The following GOPC variants were observed in gnomAD, a reference collection of about 807,000 sequenced individuals.
The protein encoded by GOPC is Golgi-associated PDZ and coiled-coil motif-containing protein.
Under a neutral mutation model 51.2 loss-of-function variants are expected in GOPC, and 32 were observed. The observed-to-expected ratio is 0.63, with a 90% CI of 0.47 to 0.84. GOPC has a LOEUF of 0.84. Among genes scored for constraint, GOPC ranks in the 40% least tolerant of loss-of-function variants. The pLI is 0.00. For missense variants in GOPC, 441 were observed against 555.5 expected, an observed-to-expected ratio of 0.79 and a Z score of 2.07; for synonymous variants, 190 against 205.1, an observed-to-expected ratio of 0.93 and a Z score of 0.63.
intron 1 of GOPC, among the ~76,000 whole-genome samples, chr6:117,586,162 C>G (rs1780029382): frequency 6.6e-6 from 1 of 152,106 alleles, no homozygotes; most frequent in Non-Finnish European, 1.5e-5. Flanking sequence ...CATTTAGTGT[C>G]AATATCCCAA....
rs1772033556 is a variant in GOPC, at chr6:117,602,362, T to C, written c.-74A>G. 1.4e-6 allele frequency: 2 copies of C among 1,425,234 alleles called. No individual in the cohort carries two copies. The highest frequency in any genetic ancestry group is 1.8e-6 in the Non-Finnish European group (2 of 1,085,958). 88.3% of individuals were successfully genotyped at this position (1,425,234 alleles called of 1,614,324 possible). A position where few individuals can be genotyped will look rare whatever the true frequency, so the allele number is the denominator to read the frequency against. On this transcript the variant is annotated 5_prime_UTR_variant, in exon 1 of 9. Coordinates refer to ENST00000368498, the MANE Select transcript of GOPC (RefSeq NM_020399.4). ...CGCGCACGAAGGGAACTGCTGGGACTGAGGGGACCCCCGCGCGCGCGGGCA... is the reference window on the plus strand; with the variant it reads ...CGCGCACGAAGGGAACTGCTGGGACCGAGGGGACCCCCGCGCGCGCGGGCA...
In GOPC at chr6:117,566,836, T is replaced by A. The variant is rs2114603255; in HGVS notation, c.1258+18A>T. The A allele has an allele frequency of 1.3e-6, 2 of 1,491,834 alleles. No individual in the cohort carries two copies. The highest frequency in any genetic ancestry group is 2.7e-5 in the South Asian group (2 of 73,118). 92.4% of individuals were successfully genotyped at this position (1,491,834 alleles called of 1,614,324 possible). A position where few individuals can be genotyped will look rare whatever the true frequency, so the allele number is the denominator to read the frequency against. On this transcript the variant is annotated intron_variant, in intron 8 of 8. Coordinates refer to ENST00000368498, the MANE Select transcript of GOPC (RefSeq NM_020399.4). Reference sequence around the variant, plus strand: ...TAATAATGAATATGTTAATAATAATTTTTAGAGTGATTTTTACCTTGTAAT... The same window carrying A: ...TAATAATGAATATGTTAATAATAATATTTAGAGTGATTTTTACCTTGTAAT...
At chr6:117,588,399 C>T (rs1319957717) in intron 1 of GOPC, among the ~76,000 whole-genome samples, 1 of 152,038 alleles carries the variant, frequency 6.6e-6, no homozygotes, top group Non-Finnish European at 1.5e-5. Context: ...CCTCAGCCTC[C>T]TGAGTAGCTG....
In GOPC at chr6:117,602,364, A is replaced by AGGG; in HGVS notation, c.-79_-77dup. The stretch of plus-strand genomic sequence containing the variant: ...CGCACGAAGGGAACTGCTGGGACTG[A>AGGG]GGGGACCCCCGCGCGCGCGGGCACA... On this transcript the variant is annotated 5_prime_UTR_variant, in exon 1 of 9. Coordinates refer to ENST00000368498, the MANE Select transcript of GOPC (RefSeq NM_020399.4). The AGGG allele has an allele frequency of 7.1e-7, 1 of 1,417,020 alleles. No homozygotes were observed. The highest frequency in any genetic ancestry group is 9.3e-7 in the Non-Finnish European group (1 of 1,079,246). 87.8% of individuals were successfully genotyped at this position (1,417,020 alleles called of 1,614,324 possible).
intron 7 of GOPC, among the ~76,000 whole-genome samples, chr6:117,569,327 C>T (rs1380693565): frequency 6.6e-6 from 1 of 152,184 alleles, no homozygotes; most frequent in Non-Finnish European, 1.5e-5. Flanking sequence ...CCCTCCCACA[C>T]AGGTGAGGAC....
At chr6:117,566,705 G>C (rs1311675957) in intron 8 of GOPC, 149 bp downstream of exon 8, 1 of 533,472 alleles carries the variant, frequency 1.9e-6, no homozygotes, top group Non-Finnish European at 3.2e-6. Context: ...TGTTAGCATA[G>C]TATACAATAA....
Position 117,602,206 on chromosome 6 carries a change from A to G in GOPC, c.83T>C (p.Val28Ala). ...CACCTCCAGCCACCGGAACATGGAT[A>G]CCCCGCCAGGGGCCCCCACGGAGCA... ...ASCSVGAPGGVSMFRWLEVLE... is the reference protein window; with the variant it reads ...ASCSVGAPGGASMFRWLEVLE... Residue 28 changes from valine (V) to alanine (A), a missense_variant, in exon 1 of 9, where the codon GTA (valine) becomes GCA (alanine). Val to Ala is a moderately conservative substitution (Grantham distance 64). This residue lies in a region of GOPC where 204 missense variants were observed against 219.8 expected (regional missense o/e 0.93). Transcript: ENST00000368498. 1.2e-6 allele frequency: 2 copies of G among 1,608,174 alleles called. No individual in the cohort carries two copies. The highest frequency in any genetic ancestry group is 1.7e-6 in the Non-Finnish European group (2 of 1,179,844).
intron 1 of GOPC, among the ~76,000 whole-genome samples, chr6:117,589,388 C>T (rs371341321): frequency 2.6e-5 from 4 of 152,322 alleles, no homozygotes; most frequent in Admixed American, 6.5e-5. Flanking sequence ...GGTGCAATCT[C>T]GGCTCACTGC....
intron 1 of GOPC, among the ~76,000 whole-genome samples, chr6:117,594,791 T>C (rs759646116): frequency 2.2e-4 from 33 of 152,162 alleles, no homozygotes; most frequent in Non-Finnish European, 4.1e-4. Flanking sequence ...AACAGAGCAA[T>C]TGCTGAGGGA....
chr6:117,577,794 C>T (rs959111256), intron 2 of GOPC, among the ~76,000 whole-genome samples: 8 of 151,938 alleles, frequency 5.3e-5, no homozygotes, highest in East Asian at 1.9e-4. Context: ...TCAAATAGCT[C>T]GAAGAAGCAG....
intron 7 of GOPC, 50 bp downstream of exon 7, chr6:117,569,522 A>T: frequency 6.3e-7 from 1 of 1,599,116 alleles, no homozygotes; most frequent in Non-Finnish European, 8.5e-7. Context: ...TGTTCAATAG[A>T]TTCATAACCA....
At chr6:117,580,682 A>G (rs988701640) in intron 1 of GOPC, among the ~76,000 whole-genome samples, 2 of 152,168 alleles carry the variant, frequency 1.3e-5, no homozygotes, top group Non-Finnish European at 2.9e-5. Flanking sequence ...AGTGGTTTTT[A>G]GTATATTCAT....
chr6:117,565,095 G>A (rs1779668736), intron 8 of GOPC, among the ~76,000 whole-genome samples: 1 of 152,038 alleles, frequency 6.6e-6, no homozygotes, highest in Non-Finnish European at 1.5e-5. Flanking sequence ...TCATTTCTTT[G>A]TTAAAAATGA....
intron 8 of GOPC, among the ~76,000 whole-genome samples, chr6:117,564,564 T>C (rs1345213876): frequency 1.3e-5 from 2 of 152,204 alleles, no homozygotes; most frequent in Non-Finnish European, 2.9e-5. Flanking sequence ...TATATATCTA[T>C]AAAGTATAGA....
chr6:117,573,455 A>C lies in GOPC; in HGVS notation c.816+12T>G. On this transcript the variant is annotated intron_variant, in intron 5 of 8. Coordinates refer to ENST00000368498, the MANE Select transcript of GOPC (RefSeq NM_020399.4). ...AGAGGCTGGGTGGGAAGCAGCAGCA[A>C]AGCAAACATACATGGCCTGGTGGTG... is the stretch of plus-strand genomic sequence containing the variant. 2.5e-6 allele frequency: 4 copies of C among 1,607,606 alleles called. No homozygotes were observed. The highest frequency in any genetic ancestry group is 3.4e-6 in the Non-Finnish European group (4 of 1,176,432).
At position 117,562,945 on chromosome 6, in the gene GOPC, C is replaced by T. The variant is rs1341316708; in HGVS notation, c.*309G>A. The T allele has an allele frequency of 1.4e-5, 4 of 290,964 alleles. No homozygotes were observed. The highest frequency in any genetic ancestry group is 2.6e-5 in the Non-Finnish European group (4 of 154,672). 18.0% of individuals were successfully genotyped at this position (290,964 alleles called of 1,614,324 possible). A position where few individuals can be genotyped will look rare whatever the true frequency, so the allele number is the denominator to read the frequency against. On this transcript the variant is annotated 3_prime_UTR_variant, in exon 9 of 9. Transcript: ENST00000368498. ...GTCCTCCTACTAAAGGGAAAAGGAA[C>T]CAAGTAAAACAGTAGGGTTTCATTT...
At chr6:117,587,942 C>G (rs1780057964) in intron 1 of GOPC, among the ~76,000 whole-genome samples, 1 of 152,014 alleles carries the variant, frequency 6.6e-6, no homozygotes, top group African/African-American at 2.4e-5. Context: ...GGCATGATCA[C>G]AGCTCACTGG....
chr6:117,569,737 C>A lies in GOPC; in HGVS notation c.913-1G>T, dbSNP rs1408146814. 2 of 1,582,196 alleles carry A rather than the reference C, an allele frequency of 1.3e-6. No homozygotes were observed. Among genetic ancestry groups the A allele is most frequent in the Admixed American group, 1.9e-5 (1 of 52,008 alleles). On this transcript the variant is annotated splice_acceptor_variant, in intron 6 of 8. Transcript: ENST00000368498. LOFTEE classifies it high-confidence loss of function. ...TTGGAACACCATGTTCTTTCCCACC[C>A]TAACAACAACAAAGGGCAGTAAATT... is the stretch of plus-strand genomic sequence containing the variant.
chr6:117,587,879 CT>C (rs879733530), intron 1 of GOPC, among the ~76,000 whole-genome samples: 1,615 of 144,930 alleles, frequency 0.011, 13 homozygotes, highest in African/African-American at 0.013. Context: ...TTTTGTTTTA[CT>C]TTTTTTTTTT....
Sources: allele counts gnomAD v4.1 joint callset (sites outside exome capture counted in the v4.1 genomes callset), GRCh38; gene constraint gnomAD v4.1.1; regional missense constraint gnomAD v4.1.1; transcripts MANE v1.5; gene names NCBI Gene and HGNC (gene_info 2026-07-23, HGNC 2026-07-21).